DCC: variants seen among roughly 807,000 people sequenced by gnomAD.
DCC encodes netrin receptor DCC.
Under a neutral mutation model 172.5 loss-of-function variants are expected in DCC, and 58 were observed. The ratio of observed to expected loss-of-function variants is 0.34; its 90% CI spans 0.27 to 0.42. DCC has a LOEUF of 0.42. Ranked by LOEUF, DCC falls within the 10% of genes least tolerant of loss-of-function variation. The pLI is 1.00. For synonymous variants in DCC, 709 were observed against 644.5 expected (o/e 1.10, Z -1.52); for missense variants, 1,740 against 1,791.0 (o/e 0.97, Z 0.51).
intron 25 of DCC, 150 bp downstream of exon 25, chr18:53,468,160 T>C (rs915288965): frequency 9.1e-6 from 6 of 660,758 alleles, no homozygotes; most frequent in Admixed American, 8.8e-5. Context: ...GTATCATTAA[T>C]AATTTGAAGT....
In DCC at chr18:52,713,544, G is replaced by A. The variant is rs556475797; in HGVS notation, c.92-38510G>A. Among the ~76,000 whole-genome samples, 15 of 152,258 alleles carry A rather than the reference G, an allele frequency of 9.9e-5. No homozygotes were observed. In the South Asian group the frequency reaches 2.1e-3, roughly 21 times the overall value. Reference sequence around the variant, plus strand: ...GCACAGCCGGCAGCATGAGGAAGGCGTGAGATACAGGGCAGCCCCCATGCA... The same window carrying A: ...GCACAGCCGGCAGCATGAGGAAGGCATGAGATACAGGGCAGCCCCCATGCA... On this transcript the variant is annotated intron_variant, in intron 1 of 28. Coordinates refer to ENST00000442544, the MANE Select transcript of DCC (RefSeq NM_005215.4).
rs567930386 is a variant in DCC at position 53,186,747 on chromosome 18, A to G, written c.1573+7631A>G. On this transcript the variant is annotated intron_variant, in intron 9 of 28. Transcript: ENST00000442544. Reference sequence around the variant, plus strand: ...TTCTGCTGTTATAACAAAACACCTGACACTGTAATTTATAAAGGATAGAAA... The same window carrying G: ...TTCTGCTGTTATAACAAAACACCTGGCACTGTAATTTATAAAGGATAGAAA... Among the ~76,000 whole-genome samples the G allele has an allele frequency of 3.3e-5, 5 of 152,294 alleles. No individual in the cohort carries two copies. The East Asian group carries it at 9.7e-4, about 29-fold the overall frequency.
At chr18:52,731,279 A>C (rs1186134511) in intron 1 of DCC, among the ~76,000 whole-genome samples, 1 of 152,246 alleles carries the variant, frequency 6.6e-6, no homozygotes, top group Non-Finnish European at 1.5e-5. Context: ...GAGAACAAAA[A>C]GGATTAAAGA....
At chr18:52,696,091 A>G (rs931814735) in intron 1 of DCC, among the ~76,000 whole-genome samples, 34 of 152,386 alleles carry the variant, frequency 2.2e-4, no homozygotes, top group African/African-American at 7.7e-4. Context: ...AAGCTATTTC[A>G]TAAGTGCATA....
chr18:52,607,753 C>A (rs1259438485), intron 1 of DCC, among the ~76,000 whole-genome samples: 2 of 152,076 alleles, frequency 1.3e-5, no homozygotes, highest in African/African-American at 4.8e-5. Context: ...AGTTTATATT[C>A]TATGACAATT....
chr18:53,166,717 A>G (rs1193298093), intron 8 of DCC, among the ~76,000 whole-genome samples: 1 of 152,220 alleles, frequency 6.6e-6, no homozygotes, highest in Non-Finnish European at 1.5e-5. Flanking sequence ...TAACAATTCA[A>G]TAAAAAACAA....
intron 1 of DCC, among the ~76,000 whole-genome samples, chr18:52,658,163 T>G (rs559887059): frequency 6.6e-6 from 1 of 152,330 alleles, no homozygotes; most frequent in East Asian, 1.9e-4. Context: ...CTGAGTAATT[T>G]TTAATGTCAC....
rs200625277 is a variant in DCC at position 53,443,823 on chromosome 18, AG to A, written c.3230-6675del. 1.1e-3 allele frequency among the ~76,000 whole-genome samples: 170 copies of A among 152,350 alleles called. 2 individuals carry two copies. The East Asian group carries it at 0.029, about 26-fold the overall frequency. On this transcript the variant is annotated intron_variant, in intron 22 of 28. Transcript: ENST00000442544. ...TCCAATCCTTACAGATGATTTTGAGAGGCTCACGACTTCAGTGGAGGAAGTA... is the reference window on the plus strand; with the variant it reads ...TCCAATCCTTACAGATGATTTTGAGAGCTCACGACTTCAGTGGAGGAAGTA...
intron 12 of DCC, among the ~76,000 whole-genome samples, chr18:53,280,979 A>C (rs2056863901): frequency 6.6e-6 from 1 of 151,306 alleles, no homozygotes; most frequent in Admixed American, 6.6e-5. Context: ...AGCAGTGTGC[A>C]GTCTTCTCTA....
chr18:52,649,111 C>A (rs1009988255), intron 1 of DCC, among the ~76,000 whole-genome samples: 1 of 152,166 alleles, frequency 6.6e-6, no homozygotes, highest in Non-Finnish European at 1.5e-5. Flanking sequence ...CGGTGGCTCA[C>A]GCCTGTAATC....
chr18:52,547,664 A>T (rs2032654723), intron 1 of DCC, among the ~76,000 whole-genome samples: 1 of 152,160 alleles, frequency 6.6e-6, no homozygotes, highest in Non-Finnish European at 1.5e-5. Context: ...ATGAAAGTTT[A>T]AAAGACCTGT....
intron 1 of DCC, among the ~76,000 whole-genome samples, chr18:52,357,070 C>G (rs1409420525): frequency 6.6e-6 from 1 of 152,148 alleles, no homozygotes; most frequent in Non-Finnish European, 1.5e-5. Context: ...TAGGCATAAG[C>G]CACTGCTTCC....
Position 52,381,494 on chromosome 18 carries a change from A to G in DCC, c.91+40616A>G, listed in dbSNP as rs1173879010. 2.0e-5 allele frequency among the ~76,000 whole-genome samples: 3 copies of G among 152,166 alleles called. No individual in the cohort carries two copies. The East Asian group carries it at 5.8e-4, about 29-fold the overall frequency. ...GTAGTTCCAGTTGCAAAACAGGAGC[A>G]GGAGCAACATTGAGGAACCTGACCC... On this transcript the variant is annotated intron_variant, in intron 1 of 28. Coordinates refer to ENST00000442544, the MANE Select transcript of DCC (RefSeq NM_005215.4).
chr18:52,502,401 A>G (rs1239672163), intron 1 of DCC, among the ~76,000 whole-genome samples: 1 of 152,144 alleles, frequency 6.6e-6, no homozygotes. Context: ...TTCCTACGAA[A>G]CTATGCATCT....
chr18:53,337,728 ATG>A (rs1199104704), intron 14 of DCC, among the ~76,000 whole-genome samples: 1 of 152,348 alleles, frequency 6.6e-6, no homozygotes, highest in East Asian at 1.9e-4. Context: ...TCTTTTGAAA[ATG>A]TTACCTATTT....
At chr18:52,500,285 G>C (rs144326563) in intron 1 of DCC, among the ~76,000 whole-genome samples, 30 of 152,216 alleles carry the variant, frequency 2.0e-4, no homozygotes, top group African/African-American at 7.0e-4. Flanking sequence ...GCAAGGACGC[G>C]TGTAAAGGAT....
chr18:53,410,340 AT>A (rs1909906637), intron 19 of DCC, 111 bp from the exon 20 acceptor site: 1 of 754,480 alleles, frequency 1.3e-6, no homozygotes, highest in Admixed American at 1.8e-5. Context: ...TAGTTTACAG[AT>A]TGTGGACATA....
chr18:53,376,273 A>C (rs2144969250), intron 15 of DCC, among the ~76,000 whole-genome samples: 1 of 151,870 alleles, frequency 6.6e-6, no homozygotes, highest in South Asian at 2.1e-4. Flanking sequence ...ACTCCCAGCT[A>C]CTCGGGAGAC....
chr18:53,310,914 A>T (rs552189298), intron 13 of DCC, among the ~76,000 whole-genome samples: 1 of 151,772 alleles, frequency 6.6e-6, no homozygotes, highest in Non-Finnish European at 1.5e-5. Context: ...CAACAACTGA[A>T]TTTTTTACAG....
Sources: allele counts gnomAD v4.1 joint callset (sites outside exome capture counted in the v4.1 genomes callset), GRCh38; gene constraint gnomAD v4.1.1; transcripts MANE v1.5; gene names NCBI Gene and HGNC (gene_info 2026-07-23, HGNC 2026-07-21).